Variants in POLR2D observed in about 807,000 individuals in gnomAD.
POLR2D encodes RNA polymerase II subunit D.
Under a neutral mutation model 17.6 loss-of-function variants are expected in POLR2D, and 10 were observed. The ratio of observed to expected loss-of-function variants is 0.57; its 90% CI spans 0.35 to 0.96. POLR2D has a LOEUF of 0.96. POLR2D is among the 40% of genes least tolerant of loss of function. POLR2D has a pLI of 0.02. For missense variants in POLR2D, 126 were observed against 176.4 expected (o/e 0.71, Z 1.62); for synonymous variants, 52 against 60.2 (o/e 0.86, Z 0.63).
In POLR2D at chr2:127,858,110, G is replaced by GCGC. The variant is rs1690373403; in HGVS notation, c.-13_-11dup. On this transcript the variant is annotated 5_prime_UTR_variant, in exon 1 of 4. Coordinates refer to ENST00000272645, the MANE Select transcript of POLR2D (RefSeq NM_004805.4). Reference sequence around the variant, plus strand: ...TGCCACCCGCCGCCATCGCCGCGCCGCGCCGCGCGCCACCACCAGCGCCGC... The same window carrying GCGC: ...TGCCACCCGCCGCCATCGCCGCGCCGCGCCGCCGCGCGCCACCACCAGCGCCGC... 1 of 1,479,930 alleles carries GCGC rather than the reference G, an allele frequency of 6.8e-7. No homozygotes were observed. The highest frequency in any genetic ancestry group is 1.5e-5 in the African/African-American group (1 of 68,300). The allele number at this position is 1,479,930 out of a possible 1,614,324, so 91.7% of individuals were successfully genotyped here.
rs989616170 is a variant in POLR2D at position 127,858,152 on chromosome 2, G to C, written c.-52C>G. The C allele has an allele frequency of 5.2e-6, 7 of 1,342,902 alleles. No individual in the cohort carries two copies. In the African/African-American group the frequency reaches 6.2e-5, roughly 12 times the overall value. The allele number at this position is 1,342,902 out of a possible 1,614,324, so 83.2% of individuals were successfully genotyped here. ...CAGCGCCGCCGGAAGCAGAAGCGCGGAGCAACGGCCGCGGAAGGGGCGTGG... is the reference window on the plus strand; with the variant it reads ...CAGCGCCGCCGGAAGCAGAAGCGCGCAGCAACGGCCGCGGAAGGGGCGTGG... On this transcript the variant is annotated 5_prime_UTR_variant, in exon 1 of 4. Transcript: ENST00000272645.
Position 127,852,586 on chromosome 2 carries a change from C to T in POLR2D, c.254+339G>A, listed in dbSNP as rs146989399. Among the ~76,000 whole-genome samples, 52 of 152,276 alleles carry T rather than the reference C, an allele frequency of 3.4e-4. No individual in the cohort carries two copies. The South Asian group carries it at 4.6e-3, about 13-fold the overall frequency. On this transcript the variant is annotated intron_variant, in intron 2 of 3. Transcript: ENST00000272645. This position sits in a 1 kb window ranked among gnomAD's most constrained non-coding sequence, Gnocchi z 4.0. ...AGTTGCCCAGGTTGGAGTGCAGTTG[C>T]GCAATCTCGGCTCACTGCAACCTTG... is the stretch of plus-strand genomic sequence containing the variant.
intron 1 of POLR2D, chr2:127,857,273 AT>A (rs1239871661): frequency 1.3e-5 from 2 of 152,186 alleles, no homozygotes; most frequent in African/African-American, 4.8e-5. Flanking sequence ...GGCTCTGATC[AT>A]GCCACTATAC....
intron 1 of POLR2D, among the ~76,000 whole-genome samples, chr2:127,855,394 CAAAAAAAAAAA>C (rs747725989): frequency 5.9e-5 from 3 of 51,258 alleles, no homozygotes; most frequent in Non-Finnish European, 8.3e-5. Flanking sequence ...AACTCCGTCT[CAAAAAAAAAAA>C]AAAAAAAAAA....
chr2:127,857,483 T>C (rs570614851), intron 1 of POLR2D, among the ~76,000 whole-genome samples: 5 of 152,348 alleles, frequency 3.3e-5, no homozygotes, highest in Admixed American at 2.6e-4. Flanking sequence ...CAGCTGAAGA[T>C]AGGACTCTGT....
chr2:127,852,033 C>T lies in POLR2D; in HGVS notation c.254+892G>A, dbSNP rs755272844. ...TGAACTCCTGACCGCAAGAGATGTG[C>T]CCATCTTGGTCTCCCAAAGTGCTGG... On this transcript the variant is annotated intron_variant, in intron 2 of 3. Transcript: ENST00000272645. The surrounding 1 kb of genome is among the most constrained non-coding windows in gnomAD (Gnocchi z 4.0). Among the ~76,000 whole-genome samples the T allele has an allele frequency of 9.2e-5, 14 of 152,096 alleles. No homozygotes were observed. Among genetic ancestry groups the T allele is most frequent in the Non-Finnish European group, 1.9e-4 (13 of 68,022 alleles).
rs1690266382 is a variant in POLR2D, at chr2:127,852,390, C to T, written c.254+535G>A. 6.6e-6 allele frequency among the ~76,000 whole-genome samples: 1 copy of T among 152,132 alleles called. No homozygotes were observed. Among genetic ancestry groups the T allele is most frequent in the South Asian group, 2.1e-4 (1 of 4,832 alleles). ...CCCAAGTAACTAGGACCACAGGTAC[C>T]TGCCACCACACCTGGCTAATTTCTG... On this transcript the variant is annotated intron_variant, in intron 2 of 3. Transcript: ENST00000272645. This position sits in a 1 kb window ranked among gnomAD's most constrained non-coding sequence, Gnocchi z 4.0.
chr2:127,857,969 C>T, intron 1 of POLR2D, 59 bp downstream of exon 1: 1 of 1,556,260 alleles, frequency 6.4e-7, no homozygotes, highest in Non-Finnish European at 8.7e-7. Flanking sequence ...GCGCATAACG[C>T]CAGGCCTGCG....
At position 127,853,113 on chromosome 2, in the gene POLR2D, T is replaced by A. The variant is rs760483889; in HGVS notation, c.74-8A>T. Reference sequence around the variant, plus strand: ...TCTCAGCTGTTTCAAACTCTATTTGTAAGAAGCATAAATGGCAGCTGAAAA... The same window carrying A: ...TCTCAGCTGTTTCAAACTCTATTTGAAAGAAGCATAAATGGCAGCTGAAAA... On this transcript the variant is annotated splice_region_variant and splice_polypyrimidine_tract_variant and intron_variant, in intron 1 of 3. Transcript: ENST00000272645. 6.2e-7 allele frequency: 1 copy of A among 1,602,990 alleles called. No individual in the cohort carries two copies. Among genetic ancestry groups the A allele is most frequent in the Admixed American group, 1.7e-5 (1 of 57,714 alleles).
Position 127,856,290 on chromosome 2 carries a change from CAAAAA to C in POLR2D, c.73+1733_73+1737del, listed in dbSNP as rs61249327. ...TAGGTAGCAGAATGAGATCCCGTCT[CAAAAA>C]AAAAAAAAAAAAAAGGCAGGGTGAG... On this transcript the variant is annotated intron_variant, in intron 1 of 3. Coordinates refer to ENST00000272645, the MANE Select transcript of POLR2D (RefSeq NM_004805.4). Among the ~76,000 whole-genome samples, 18 of 25,416 alleles carry C rather than the reference CAAAAA, an allele frequency of 7.1e-4. 1 individual carries two copies. Among genetic ancestry groups the C allele is most frequent in the Non-Finnish European group, 1.0e-3 (15 of 14,304 alleles). 16.7% of individuals were successfully genotyped at this position (25,416 alleles called of 152,430 possible). A position where few individuals can be genotyped will look rare whatever the true frequency, so the allele number is the denominator to read the frequency against.
At chr2:127,854,860 C>T (rs904633612) in intron 1 of POLR2D, among the ~76,000 whole-genome samples, 2 of 152,064 alleles carry the variant, frequency 1.3e-5, no homozygotes, top group African/African-American at 4.8e-5. Flanking sequence ...AGGAAAGTTA[C>T]CTCTTTTAAT....
rs1222155316 is a variant in POLR2D, at chr2:127,844,931, G to C, written c.*3176C>G. 2 of 152,226 alleles carry C rather than the reference G, an allele frequency of 1.3e-5. No individual in the cohort carries two copies. The highest frequency in any genetic ancestry group is 4.1e-4 in the South Asian group (2 of 4,836). The allele number at this position is 152,226 out of a possible 1,614,324, so 9.4% of individuals were successfully genotyped here. ...GGCCTCCCAAAGTGCTGGGATTACA[G>C]GTGTGAGCCACCGCGCCCAACTGTG... On this transcript the variant is annotated 3_prime_UTR_variant, in exon 4 of 4. Coordinates refer to ENST00000272645, the MANE Select transcript of POLR2D (RefSeq NM_004805.4).
Position 127,853,872 on chromosome 2 carries a change from G to A in POLR2D, c.74-767C>T, listed in dbSNP as rs117979089. Among the ~76,000 whole-genome samples, 49 of 152,292 alleles carry A rather than the reference G, an allele frequency of 3.2e-4. 1 individual carries two copies. In the East Asian group the frequency reaches 6.0e-3, roughly 19 times the overall value. Reference sequence around the variant, plus strand: ...TACCACAAGGCACAGTGGAGTTCACGAGACACTAACATTTAGCTTGTCTGA... The same window carrying A: ...TACCACAAGGCACAGTGGAGTTCACAAGACACTAACATTTAGCTTGTCTGA... On this transcript the variant is annotated intron_variant, in intron 1 of 3. Transcript: ENST00000272645.
At position 127,847,981 on chromosome 2, in the gene POLR2D, C is replaced by T. The variant is rs182279696; in HGVS notation, c.*126G>A. ...CAACCTAACCCCACGCCAAGCTGGGCTGTTTTCTCCAAAGGAATTCTCAAC... is the reference window on the plus strand; with the variant it reads ...CAACCTAACCCCACGCCAAGCTGGGTTGTTTTCTCCAAAGGAATTCTCAAC... On this transcript the variant is annotated 3_prime_UTR_variant, in exon 4 of 4. Transcript: ENST00000272645. 3.3e-4 allele frequency: 248 copies of T among 744,180 alleles called. No individual in the cohort carries two copies. In the African/African-American group the frequency reaches 4.0e-3, roughly 12 times the overall value. 46.1% of individuals were successfully genotyped at this position (744,180 alleles called of 1,614,324 possible).
At chr2:127,854,230 A>G (rs1029071140) in intron 1 of POLR2D, among the ~76,000 whole-genome samples, 4 of 152,208 alleles carry the variant, frequency 2.6e-5, no homozygotes, top group African/African-American at 9.6e-5. Context: ...CTACATTTCT[A>G]CAATAGTTCT....
At chr2:127,855,156 G>T (rs982944381) in intron 1 of POLR2D, among the ~76,000 whole-genome samples, 1 of 152,044 alleles carries the variant, frequency 6.6e-6, no homozygotes, top group Non-Finnish European at 1.5e-5. Flanking sequence ...CAACACTTTG[G>T]GAGGCCAAGG....
Position 127,845,954 on chromosome 2 carries a change from G to T in POLR2D, c.*2153C>A, listed in dbSNP as rs72848836. 0.084 allele frequency: 12,795 copies of T among 152,156 alleles called. 620 individuals carry two copies. The highest frequency in any genetic ancestry group is 0.22 in the Middle Eastern group (65 of 294). 9.4% of individuals were successfully genotyped at this position (152,156 alleles called of 1,614,324 possible). ...GAACACCAATGAGGCTCAAAGAAGC[G>T]AAGTTGCTCAAGGATAAAAAGATTG... On this transcript the variant is annotated 3_prime_UTR_variant, in exon 4 of 4. Transcript: ENST00000272645.
In POLR2D at chr2:127,845,373, C is replaced by CTTTTTTTTTTTTTTTTTTTTTTTT. The variant is rs397871322; in HGVS notation, c.*2733_*2734insAAAAAAAAAAAAAAAAAAAAAAAA. 8.8e-6 allele frequency: 1 copy of CTTTTTTTTTTTTTTTTTTTTTTTT among 113,618 alleles called. No individual in the cohort carries two copies. Among genetic ancestry groups the CTTTTTTTTTTTTTTTTTTTTTTTT allele is most frequent in the African/African-American group, 3.8e-5 (1 of 26,484 alleles). The allele number at this position is 113,618 out of a possible 1,614,324, so 7.0% of individuals were successfully genotyped here. A position where few individuals can be genotyped will look rare whatever the true frequency, so the allele number is the denominator to read the frequency against. The stretch of plus-strand genomic sequence containing the variant: ...CTGTAGATTTGGGTAAGCAATTTCA[C>CTTTTTTTTTTTTTTTTTTTTTTTT]TTTTTTTTTTTTTTTTTTTTTGAGA... On this transcript the variant is annotated 3_prime_UTR_variant, in exon 4 of 4. Transcript: ENST00000272645.
chr2:127,857,997 C>A (rs987056562), intron 1 of POLR2D, 31 bp downstream of exon 1: 46 of 1,573,654 alleles, frequency 2.9e-5, no homozygotes, highest in Non-Finnish European at 3.9e-5. Flanking sequence ...CGCGAAGTGG[C>A]GCGGGGGAGT....
Sources: allele counts gnomAD v4.1 joint callset (sites outside exome capture counted in the v4.1 genomes callset), GRCh38; gene constraint gnomAD v4.1.1; non-coding constraint Gnocchi (gnomAD v3.1); transcripts MANE v1.5; gene names NCBI Gene and HGNC (gene_info 2026-07-23, HGNC 2026-07-21).